ITFG1: variants seen among roughly 807,000 people sequenced by gnomAD.
The protein encoded by ITFG1 is T-cell immunomodulatory protein.
Under a neutral mutation model 81.8 loss-of-function variants are expected in ITFG1, and 34 were observed. The ratio of observed to expected loss-of-function variants is 0.42; its 90% CI spans 0.32 to 0.55. The LOEUF is 0.55. Among genes scored for constraint, ITFG1 ranks in the 20% least tolerant of loss-of-function variants. The probability of loss-of-function intolerance (pLI) is 0.17; values close to 1 mark genes in which losing one functional copy is unlikely to be tolerated. For missense variants in ITFG1, 672 were observed against 755.4 expected (o/e 0.89, Z 1.29); for synonymous variants, 285 against 270.6 (o/e 1.05, Z -0.52).
chr16:47,250,283 AT>A (rs1173018492), intron 12 of ITFG1, among the ~76,000 whole-genome samples: 1 of 151,910 alleles, frequency 6.6e-6, no homozygotes, highest in East Asian at 1.9e-4. Flanking sequence ...ACAGAAACAT[AT>A]TTTTGAAGCA....
At position 47,210,952 on chromosome 16, in the gene ITFG1, G is replaced by GC. The variant is rs201312622; in HGVS notation, c.1453+7915_1453+7916insG. 7.6e-3 allele frequency among the ~76,000 whole-genome samples: 1,152 copies of GC among 152,122 alleles called. 15 individuals are homozygous for GC. Among genetic ancestry groups the GC allele is most frequent in the African/African-American group, 0.026 (1,072 of 41,508 alleles). On this transcript the variant is annotated intron_variant, in intron 14 of 17. Transcript: ENST00000320640. Reference sequence around the variant, plus strand: ...ATTAGGTTGGTGCAAAAGTAATTGTGGTTTTGCCATTAAAAAATGACAAAA... The same window carrying GC: ...ATTAGGTTGGTGCAAAAGTAATTGTGCGTTTTGCCATTAAAAAATGACAAAA...
At chr16:47,260,448 G>C in intron 11 of ITFG1, 97 bp downstream of exon 11, 2 of 1,302,530 alleles carry the variant, frequency 1.5e-6, no homozygotes, top group South Asian at 2.7e-5. Context: ...GCTTTTTGTT[G>C]TGTTGTCCAC....
chr16:47,162,406 A>T, intron 15 of ITFG1, 134 bp downstream of exon 15: 2 of 775,282 alleles, frequency 2.6e-6, no homozygotes, highest in Non-Finnish European at 3.8e-6. Flanking sequence ...ATTTTTCTTT[A>T]TTCTTTAAAG....
chr16:47,249,381 T>G, intron 12 of ITFG1, among the ~76,000 whole-genome samples: 2 of 152,174 alleles, frequency 1.3e-5, no homozygotes, highest in Non-Finnish European at 2.9e-5. Flanking sequence ...ATCATGCCAC[T>G]GCACTCTAGC....
intron 10 of ITFG1, among the ~76,000 whole-genome samples, chr16:47,303,152 T>G (rs1390510400): frequency 4.6e-5 from 7 of 151,914 alleles, no homozygotes; most frequent in Non-Finnish European, 1.0e-4. Flanking sequence ...GCGCCTGTAG[T>G]CCCAGGTACT....
chr16:47,189,243 C>G (rs1965263334), intron 14 of ITFG1, among the ~76,000 whole-genome samples: 1 of 152,118 alleles, frequency 6.6e-6, no homozygotes, highest in Non-Finnish European at 1.5e-5. Context: ...ACAAAACCCA[C>G]CAGTTTACAG....
chr16:47,198,354 C>T (rs1291667454), intron 14 of ITFG1, among the ~76,000 whole-genome samples: 1 of 152,078 alleles, frequency 6.6e-6, no homozygotes, highest in Non-Finnish European at 1.5e-5. Flanking sequence ...TGGCCTAGTG[C>T]CATCTTAGCT....
intron 1 of ITFG1, among the ~76,000 whole-genome samples, chr16:47,460,076 G>T (rs1969508000): frequency 6.6e-6 from 1 of 152,206 alleles, no homozygotes; most frequent in Non-Finnish European, 1.5e-5. Context: ...TTAGTTTAAC[G>T]ATTGTCAAAG....
At position 47,258,717 on chromosome 16, in the gene ITFG1, T is replaced by C; in HGVS notation, c.1245A>G (p.Leu415=). ...YEDGILDIVV[L]SKGYTKNDFA... ...AATCATTCTTTGTATATCCTTTACT[T>C]AGCACTACAATGTCCAAGATTCCCT... The change falls in exon 12 of 18, where the codon CTA becomes CTG. Residue 415 remains leucine (L), a synonymous_variant. Coordinates refer to ENST00000320640, the MANE Select transcript of ITFG1 (RefSeq NM_030790.5). 1.3e-6 allele frequency: 2 copies of C among 1,542,660 alleles called. No individual in the cohort carries two copies. The highest frequency in any genetic ancestry group is 1.8e-6 in the Non-Finnish European group (2 of 1,136,392).
intron 14 of ITFG1, among the ~76,000 whole-genome samples, chr16:47,207,767 C>T (rs888219373): frequency 4.6e-5 from 7 of 152,146 alleles, no homozygotes; most frequent in Admixed American, 3.3e-4. Context: ...TGGTATTTTC[C>T]CATTTTCTCT....
At chr16:47,264,239 A>T (rs58837077) in intron 10 of ITFG1, among the ~76,000 whole-genome samples, 17,933 of 151,996 alleles carry the variant, frequency 0.12, 2,314 homozygotes, top group African/African-American at 0.32. Context: ...AATACATATA[A>T]CCTTAAAAAA....
intron 8 of ITFG1, among the ~76,000 whole-genome samples, chr16:47,357,614 CAAAAAA>C (rs75054901): frequency 1.6e-5 from 1 of 61,138 alleles, no homozygotes; most frequent in South Asian, 6.5e-4. Context: ...GACTCCGTCT[CAAAAAA>C]AAAAAAAAAA....
At position 47,325,419 on chromosome 16, in the gene ITFG1, A is replaced by G. The variant is rs145981888; in HGVS notation, c.803-11596T>C. Among the ~76,000 whole-genome samples the G allele has an allele frequency of 7.1e-3, 1,082 of 152,324 alleles. 16 individuals carry two copies. The highest frequency in any genetic ancestry group is 0.025 in the African/African-American group (1,037 of 41,564). On this transcript the variant is annotated intron_variant, in intron 8 of 17. Coordinates refer to ENST00000320640, the MANE Select transcript of ITFG1 (RefSeq NM_030790.5). ...CTAACATCACAATTAAAAGAACTAG[A>G]GAAGCAAAGCAAACACATTGAAAAG...
At chr16:47,238,053 T>C (rs1190358458) in intron 12 of ITFG1, 45 bp from the exon 13 acceptor site, 1 of 1,133,022 alleles carries the variant, frequency 8.8e-7, no homozygotes. Flanking sequence ...TAAGTTTATA[T>C]TTAAAGTGAG....
intron 2 of ITFG1, among the ~76,000 whole-genome samples, chr16:47,456,724 A>C (rs1276705809): frequency 1.3e-5 from 2 of 151,734 alleles, no homozygotes; most frequent in Non-Finnish European, 2.9e-5. Flanking sequence ...TGGGTAGAAA[A>C]ACTTTTTGGA....
At chr16:47,451,073 G>C (rs193238718) in intron 5 of ITFG1, among the ~76,000 whole-genome samples, 17 of 152,242 alleles carry the variant, frequency 1.1e-4, no homozygotes, top group African/African-American at 3.4e-4. Flanking sequence ...TACTAAGATA[G>C]GGAGGATCCA....
rs546244760 is a variant in ITFG1 at position 47,315,768 on chromosome 16, C to CATATATATATATATATATATATAT, written c.803-1946_803-1945insATATATATATATATATATATATAT. Among the ~76,000 whole-genome samples the CATATATATATATATATATATATAT allele has an allele frequency of 5.4e-3, 775 of 144,388 alleles. 8 individuals are homozygous for CATATATATATATATATATATATAT. The highest frequency in any genetic ancestry group is 0.011 in the African/African-American group (396 of 35,048). 94.7% of individuals were successfully genotyped at this position (144,388 alleles called of 152,430 possible). The stretch of plus-strand genomic sequence containing the variant: ...GTGTTTCTTGTGCTATTCTAAATGC[C>CATATATATATATATATATATATAT]ATATATATATACACATATATATAAT... On this transcript the variant is annotated intron_variant, in intron 8 of 17. Coordinates refer to ENST00000320640, the MANE Select transcript of ITFG1 (RefSeq NM_030790.5).
Position 47,283,351 on chromosome 16 carries a change from T to G in ITFG1, c.1071-22656A>C, listed in dbSNP as rs138758301. Among the ~76,000 whole-genome samples the G allele has an allele frequency of 3.6e-3, 544 of 152,274 alleles. 5 individuals carry two copies. The highest frequency in any genetic ancestry group is 0.02 in the Middle Eastern group (6 of 294). ...CTTTGAAGAGACTGTCCTCTCCCCATTGTGTATTTTTGTCAACTTTGTTGA... is the reference window on the plus strand; with the variant it reads ...CTTTGAAGAGACTGTCCTCTCCCCAGTGTGTATTTTTGTCAACTTTGTTGA... On this transcript the variant is annotated intron_variant, in intron 10 of 17. Coordinates refer to ENST00000320640, the MANE Select transcript of ITFG1 (RefSeq NM_030790.5).
chr16:47,297,115 T>C (rs1411540201), intron 10 of ITFG1, among the ~76,000 whole-genome samples: 2 of 152,140 alleles, frequency 1.3e-5, no homozygotes, highest in Non-Finnish European at 2.9e-5. Context: ...GTGCTGGGTG[T>C]ATATATATTA....
Sources: gnomAD v4.1 joint callset for allele counts (sites outside exome capture counted in the v4.1 genomes callset) on GRCh38, gnomAD v4.1.1 for gene constraint, MANE v1.5 for transcripts, NCBI Gene and HGNC (gene_info 2026-07-23, HGNC 2026-07-21) for gene names.